Variants in MYL6 observed in about 807,000 individuals in gnomAD.
The protein encoded by MYL6 is myosin light polypeptide 6.
In MYL6, 20 loss-of-function variants were observed where a neutral mutation model predicts 20.3. The ratio of observed to expected loss-of-function variants is 0.98; its 90% CI spans 0.69 to 1.43. MYL6 has a LOEUF of 1.43. MYL6 is among the 40% of genes most tolerant of loss of function. The probability of loss-of-function intolerance (pLI) is 0.00; values close to 1 mark genes in which losing one functional copy is unlikely to be tolerated. For missense variants in MYL6, 164 were observed against 191.0 expected (o/e 0.86, Z 0.83); for synonymous variants, 77 against 72.4 (o/e 1.06, Z -0.32).
Position 56,159,700 on chromosome 12 carries a change from C to G in MYL6, c.145C>G (p.Leu49Val), listed in dbSNP as rs1871596280. ...LGQNPTNAEVLKVLGNPKSDE... is the reference protein window; with the variant it reads ...LGQNPTNAEVVKVLGNPKSDE... ...CCAGAACCCTACCAACGCCGAGGTG[C>G]TCAAGGTCCTGGGGAACCCCAAGAG... is the stretch of plus-strand genomic sequence containing the variant. Residue 49 changes from leucine to valine, a missense_variant, in exon 3 of 7, where the codon CTC becomes GTC. Physicochemically the swap from Leu to Val is conservative, Grantham distance 32. Transcript: ENST00000550697. 1 of 1,614,028 alleles carries G rather than the reference C, an allele frequency of 6.2e-7. No homozygotes were observed. The highest frequency in any genetic ancestry group is 1.3e-5 in the African/African-American group (1 of 74,920).
chr12:56,159,375 T>G (rs1359718196), intron 2 of MYL6: 2 of 579,266 alleles, frequency 3.5e-6, no homozygotes, highest in Middle Eastern at 9.6e-4. Flanking sequence ...TAAATGGATG[T>G]TACCAGGCTG....
rs1362264783 is a variant in MYL6, at chr12:56,160,056, A to T, written c.257A>T (p.Tyr86Phe). 15 of 1,614,192 alleles carry T rather than the reference A, an allele frequency of 9.3e-6. No homozygotes were observed. Among genetic ancestry groups the T allele is most frequent in the Non-Finnish European group, 1.2e-5 (14 of 1,180,030 alleles). ...TVAKNKDQGTYEDYVEGLRVF... is the reference protein window; with the variant it reads ...TVAKNKDQGTFEDYVEGLRVF... ...GCCAAGAACAAGGACCAGGGCACCT[A>T]TGAGGATTATGTCGAAGGACTTCGG... Residue 86 changes from tyrosine to phenylalanine, a missense_variant, in exon 4 of 7, where the codon TAT (tyrosine) becomes TTT (phenylalanine). By Grantham distance (22) the Tyr-to-Phe change is conservative (BLOSUM62 3). Coordinates refer to ENST00000550697, the MANE Select transcript of MYL6 (RefSeq NM_021019.5).
At chr12:56,159,444 C>A in intron 2 of MYL6, 143 bp from the exon 3 acceptor site, 2 of 1,081,974 alleles carry the variant, frequency 1.8e-6, no homozygotes, top group Non-Finnish European at 2.6e-6. Context: ...AGAAATAGAG[C>A]CCTCTTAAGT....
chr12:56,159,753 C>A, intron 3 of MYL6, 23 bp downstream of exon 3: 4 of 1,610,356 alleles, frequency 2.5e-6, no homozygotes, highest in Non-Finnish European at 3.4e-6. Flanking sequence ...AAGAACAACT[C>A]CTCAGTGTGG....
intron 5 of MYL6, 85 bp downstream of exon 5, chr12:56,160,405 A>G: frequency 2.5e-6 from 4 of 1,576,724 alleles, no homozygotes; most frequent in Non-Finnish European, 3.5e-6. Context: ...CTATCCCTGG[A>G]CTTGGGCTCC....
rs369448186 is a variant in MYL6 at position 56,158,430 on chromosome 12, G to A, written c.3+26G>A. The A allele has an allele frequency of 3.6e-5, 56 of 1,539,426 alleles. 1 individual carries two copies. The highest frequency in any genetic ancestry group is 4.5e-5 in the Non-Finnish European group (52 of 1,145,086). Reference sequence around the variant, plus strand: ...GTGGGGCCCAGGTCTTGGGAGACGGGCAGGATTGGGGACGAGAGGCAGGAA... The same window carrying A: ...GTGGGGCCCAGGTCTTGGGAGACGGACAGGATTGGGGACGAGAGGCAGGAA... On this transcript the variant is annotated intron_variant, in intron 1 of 6. Transcript: ENST00000550697.
chr12:56,159,427 G>C (rs1238604877), intron 2 of MYL6, 160 bp from the exon 3 acceptor site: 1 of 951,066 alleles, frequency 1.1e-6, no homozygotes, highest in African/African-American at 1.7e-5. Context: ...CTTGAGTTGG[G>C]AGGAAGAGAA....
intron 1 of MYL6, 80 bp downstream of exon 1, chr12:56,158,484 G>C: frequency 6.4e-7 from 1 of 1,573,966 alleles, no homozygotes; most frequent in Non-Finnish European, 8.6e-7. Context: ...GGAGAAGGCA[G>C]GGGTAGGAGG....
chr12:56,160,584 C>CT lies in MYL6; in HGVS notation c.428-39dup, dbSNP rs760953605. Reference sequence around the variant, plus strand: ...CACTGCCTGACCCCTCACCCCATGTCTTTGTCTTGTCTTCACCATGAATGT... The same window carrying CT: ...CACTGCCTGACCCCTCACCCCATGTCTTTTGTCTTGTCTTCACCATGAATGT... On this transcript the variant is annotated intron_variant, in intron 5 of 6. Transcript: ENST00000550697. 9.9e-6 allele frequency: 16 copies of CT among 1,611,252 alleles called. No individual in the cohort carries two copies. In the South Asian group the frequency reaches 1.8e-4, roughly 18 times the overall value.
At chr12:56,161,292 G>A (rs543556366) in intron 6 of MYL6, 95 bp from the exon 7 acceptor site, 36 of 1,494,970 alleles carry the variant, frequency 2.4e-5, no homozygotes, top group East Asian at 6.8e-5. Context: ...GCATGTTCCC[G>A]CTTATGCTAC....
chr12:56,160,531 A>G, intron 5 of MYL6, 95 bp from the exon 6 acceptor site: 1 of 1,460,460 alleles, frequency 6.8e-7, no homozygotes, highest in South Asian at 1.1e-5. Flanking sequence ...GGAAGGAATG[A>G]GAAGTGAAAT....
At chr12:56,161,150 C>T in intron 6 of MYL6, 1 of 608,194 alleles carries the variant, frequency 1.6e-6, no homozygotes, top group Non-Finnish European at 3.0e-6. Context: ...ACTTTTCTGC[C>T]TCTGCTGTGT....
intron 5 of MYL6, 120 bp downstream of exon 5, chr12:56,160,440 AGGGCCCTGCCC>A: frequency 6.7e-7 from 1 of 1,491,534 alleles, no homozygotes; most frequent in East Asian, 2.3e-5. Flanking sequence ...GGCAAGGTGC[AGGGCCCTGCCC>A]AGCCCAGCCC....
At chr12:56,159,897 G>T (rs754572649) in intron 3 of MYL6, 78 bp from the exon 4 acceptor site, 168 of 1,540,438 alleles carry the variant, frequency 1.1e-4, no homozygotes, top group African/African-American at 1.5e-4. Flanking sequence ...TCTCTGTTCA[G>T]TTGAGGTCTC....
In MYL6 at chr12:56,159,861, C is replaced by T. The variant is rs534052410; in HGVS notation, c.176-114C>T. The T allele has an allele frequency of 2.0e-6, 3 of 1,524,490 alleles. No individual in the cohort carries two copies. The African/African-American group carries it at 4.2e-5, about 21-fold the overall frequency. 94.4% of individuals were successfully genotyped at this position (1,524,490 alleles called of 1,614,324 possible). A position where few individuals can be genotyped will look rare whatever the true frequency, so the allele number is the denominator to read the frequency against. ...TTAGCAAATCCCATGGATTTCCTTG[C>T]TTTTAGTGGGGAGTCATCTGTCATC... On this transcript the variant is annotated intron_variant, in intron 3 of 6. Coordinates refer to ENST00000550697, the MANE Select transcript of MYL6 (RefSeq NM_021019.5).
chr12:56,158,636 CG>C, intron 1 of MYL6, 47 bp from the exon 2 acceptor site: 2 of 1,614,014 alleles, frequency 1.2e-6, no homozygotes, highest in Non-Finnish European at 1.7e-6. Context: ...GATAGAAACT[CG>C]GGGGATTGGC....
In MYL6 at chr12:56,161,438, G is replaced by A; in HGVS notation, c.*68G>A. 6.8e-6 allele frequency: 11 copies of A among 1,614,034 alleles called. No homozygotes were observed. Among genetic ancestry groups the A allele is most frequent in the Non-Finnish European group, 9.3e-6 (11 of 1,179,880 alleles). ...TGAGGACCTTCCCAGTCTCCCCAGAGTCCGTGCCTTTCCCTGTGTGAATTT... is the reference window on the plus strand; with the variant it reads ...TGAGGACCTTCCCAGTCTCCCCAGAATCCGTGCCTTTCCCTGTGTGAATTT... On this transcript the variant is annotated 3_prime_UTR_variant, in exon 7 of 7. Transcript: ENST00000550697.
At chr12:56,159,318 T>TAGC (rs1193381258) in intron 2 of MYL6, 1 of 433,238 alleles carries the variant, frequency 2.3e-6, no homozygotes, top group African/African-American at 2.0e-5. Context: ...AGAAGTGTAG[T>TAGC]AGCAGCAGTG....
rs141434084 is a variant in MYL6 at position 56,158,873 on chromosome 12, C to T, written c.31+162C>T. The T allele has an allele frequency of 2.4e-4, 352 of 1,462,994 alleles. No homozygotes were observed. In the African/African-American group the frequency reaches 3.7e-3, roughly 15 times the overall value. 90.6% of individuals were successfully genotyped at this position (1,462,994 alleles called of 1,614,324 possible). On this transcript the variant is annotated intron_variant, in intron 2 of 6. Transcript: ENST00000550697. ...CTGGATCCTCCATTTTCTTTTCTCACTTTCTTCCTCCCTCCCCTTCCACTC... is the reference window on the plus strand; with the variant it reads ...CTGGATCCTCCATTTTCTTTTCTCATTTTCTTCCTCCCTCCCCTTCCACTC...
Sources: gnomAD v4.1 joint callset for allele counts on GRCh38, gnomAD v4.1.1 for gene constraint, MANE v1.5 for transcripts, NCBI Gene and HGNC (gene_info 2026-07-23, HGNC 2026-07-21) for gene names.